The following SLC52A3 variants were observed in gnomAD, a reference collection of about 807,000 sequenced individuals.
SLC52A3 encodes the protein solute carrier family 52, riboflavin transporter, member 3.
A neutral mutation model predicts 29.5 loss-of-function variants in SLC52A3; 20 were observed. That is an observed-to-expected ratio of 0.68 (90% CI 0.48 to 0.99). The LOEUF is 0.99. Among genes scored for constraint, SLC52A3 ranks in the 50% least tolerant of loss-of-function variants. The pLI, the probability that SLC52A3 is intolerant of heterozygous loss-of-function variation, is 0.00. For synonymous variants in SLC52A3, 301 were observed against 271.0 expected, an observed-to-expected ratio of 1.11 and a Z score of -1.09; for missense variants, 548 against 612.9, an observed-to-expected ratio of 0.89 and a Z score of 1.12.
At chr20:774,719 G>C in intron 1 of SLC52A3, among the ~76,000 whole-genome samples, 1 of 152,184 alleles carries the variant, frequency 6.6e-6, no homozygotes, top group East Asian at 1.9e-4. Context: ...GTAGCAGAAG[G>C]CCATCTCTAC....
chr20:777,993 A>G (rs1277707688), upstream of SLC52A3, among the ~76,000 whole-genome samples: 1 of 151,962 alleles, frequency 6.6e-6, no homozygotes, highest in Non-Finnish European at 1.5e-5. Flanking sequence ...CTGCTCCAGA[A>G]GAATTACCCT....
In SLC52A3 at chr20:761,143, C is replaced by G. The variant is rs1060499531; in HGVS notation, c.1293G>C (p.Trp431Cys). The G allele has an allele frequency of 6.3e-7, 1 of 1,590,766 alleles. No homozygotes were observed. Among genetic ancestry groups the G allele is most frequent in the Non-Finnish European group, 8.5e-7 (1 of 1,169,904 alleles). The change falls in exon 5 of 5, where the codon TGG becomes TGC. Residue 431 changes from tryptophan to cysteine, a missense_variant. By Grantham distance (215) the Trp-to-Cys change is radical (BLOSUM62 -2). Coordinates refer to ENST00000645534, the MANE Select transcript of SLC52A3 (RefSeq NM_033409.4). ...LRDLSRSALL[W>C]CGAAVQLGSL... ...AGCCCAGCTGCACCGCCGCCCCGCA[C>G]CACAAGAGGGCGCTGCGGCTGAGGT...
chr20:771,116 A>G (rs1986830976), upstream of SLC52A3, among the ~76,000 whole-genome samples: 1 of 152,194 alleles, frequency 6.6e-6, no homozygotes. Flanking sequence ...CTCTTATTTT[A>G]TGTACAACAA....
chr20:764,286 C>T (rs977934781), intron 2 of SLC52A3, among the ~76,000 whole-genome samples: 2 of 152,174 alleles, frequency 1.3e-5, no homozygotes, highest in African/African-American at 2.4e-5. Context: ...TCGTCCCTTA[C>T]CTGAGGGTCA....
intron 3 of SLC52A3, among the ~76,000 whole-genome samples, chr20:762,624 C>G (rs1986528970): frequency 6.6e-6 from 1 of 152,198 alleles, no homozygotes; most frequent in African/African-American, 2.4e-5. Flanking sequence ...TTCTGTAATT[C>G]TAACATTTGG....
chr20:761,875 C>T, intron 3 of SLC52A3, 51 bp from the exon 4 acceptor site: 4 of 1,612,860 alleles, frequency 2.5e-6, no homozygotes, highest in Admixed American at 1.7e-5. Context: ...GACCTCTGAC[C>T]CCCCCGCCCC....
intron 1 of SLC52A3, among the ~76,000 whole-genome samples, chr20:768,069 T>A: frequency 6.6e-6 from 1 of 152,296 alleles, no homozygotes; most frequent in South Asian, 2.1e-4. Context: ...GGGATAGTGA[T>A]AGTATGAACT....
In SLC52A3 at chr20:761,140, G is replaced by T. The variant is rs758570021; in HGVS notation, c.1296C>A (p.Cys432Ter). The part of the protein sequence containing the change: ...RDLSRSALLW[C>*]GAAVQLGSLL... ...GCGAGCCCAGCTGCACCGCCGCCCC[G>T]CACCACAAGAGGGCGCTGCGGCTGA... Residue 432 changes from cysteine to a stop codon, truncating the protein, a stop_gained, in exon 5 of 5, where the codon TGC becomes TGA. Coordinates refer to ENST00000645534, the MANE Select transcript of SLC52A3 (RefSeq NM_033409.4). LOFTEE classifies it high-confidence loss of function. 4 of 1,591,378 alleles carry T rather than the reference G, an allele frequency of 2.5e-6. No individual in the cohort carries two copies. The highest frequency in any genetic ancestry group is 2.6e-6 in the Non-Finnish European group (3 of 1,170,302).
intron 1 of SLC52A3, among the ~76,000 whole-genome samples, chr20:767,246 C>G (rs567076973): frequency 6.6e-6 from 1 of 152,294 alleles, no homozygotes. Context: ...AAGTGTACTG[C>G]CTTTTGGTCA....
At chr20:770,221 A>G (rs999755933), upstream of SLC52A3, among the ~76,000 whole-genome samples, 1 of 148,820 alleles carries the variant, frequency 6.7e-6, no homozygotes, top group African/African-American at 2.5e-5. The surrounding 1 kb of genome is among the most constrained non-coding windows in gnomAD (Gnocchi z 4.5). Flanking sequence ...CAGTGGCTTG[A>G]TCTCGGCTCA....
upstream of SLC52A3, among the ~76,000 whole-genome samples, chr20:770,120 T>C (rs1011825142): frequency 8.6e-5 from 13 of 151,826 alleles, no homozygotes; most frequent in African/African-American, 3.1e-4. This position sits in a 1 kb window ranked among gnomAD's most constrained non-coding sequence, Gnocchi z 4.5. Context: ...GTAAACGTGC[T>C]ATTTGAGGCT....
chr20:765,687 G>A lies in SLC52A3; in HGVS notation c.88C>T (p.Leu30=). 1 of 1,613,678 alleles carries A rather than the reference G, an allele frequency of 6.2e-7. No individual in the cohort carries two copies. Among genetic ancestry groups the A allele is most frequent in the Non-Finnish European group, 8.5e-7 (1 of 1,179,882 alleles). ...INGLWVELPL[L]VMELPEGWYL... ...CAGCCCTCGGGCAGCTCCATCACCA[G>A]CAGGGGCAGCTCTACCCAGAGCCCA... The change falls in exon 2 of 5, where the codon CTG becomes TTG. Residue 30 remains leucine (L), a synonymous_variant. Transcript: ENST00000645534. The surrounding 1 kb of genome is among the most constrained non-coding windows in gnomAD (Gnocchi z 6.6).
At position 760,883 on chromosome 20, in the gene SLC52A3, T is replaced by TC; in HGVS notation, c.*142dup. 2 of 812,296 alleles carry TC rather than the reference T, an allele frequency of 2.5e-6. No homozygotes were observed. Among genetic ancestry groups the TC allele is most frequent in the South Asian group, 1.7e-5 (1 of 57,784 alleles). 50.3% of individuals were successfully genotyped at this position (812,296 alleles called of 1,614,324 possible). The stretch of plus-strand genomic sequence containing the variant: ...CACCTTGCATTTCCAGGTGCCATCT[T>TC]CCCCACAGTCCCCAGTGGGCACTTG... On this transcript the variant is annotated 3_prime_UTR_variant, in exon 5 of 5. Transcript: ENST00000645534. This position sits in a 1 kb window ranked among gnomAD's most constrained non-coding sequence, Gnocchi z 4.9.
At chr20:771,133 T>G (rs1341035176), upstream of SLC52A3, among the ~76,000 whole-genome samples, 1 of 152,212 alleles carries the variant, frequency 6.6e-6, no homozygotes, top group Non-Finnish European at 1.5e-5. Flanking sequence ...ACAAAAGTAC[T>G]CAGAGGCTGG....
In SLC52A3 at chr20:765,721, C is replaced by T. The variant is rs1418731782; in HGVS notation, c.54G>A (p.Val18=). 17 of 1,613,666 alleles carry T rather than the reference C, an allele frequency of 1.1e-5. No homozygotes were observed. Among genetic ancestry groups the T allele is most frequent in the Non-Finnish European group, 1.4e-5 (16 of 1,179,964 alleles). Residue 18 remains valine, a synonymous_variant, in exon 2 of 5, where the codon GTG becomes GTA. Coordinates refer to ENST00000645534, the MANE Select transcript of SLC52A3 (RefSeq NM_033409.4). This position sits in a 1 kb window ranked among gnomAD's most constrained non-coding sequence, Gnocchi z 6.6. Reference sequence around the variant, plus strand: ...GCTCTACCCAGAGCCCATTGATGGTCACCCAGGAGCCCATTCCGAAGACGC... The same window carrying T: ...GCTCTACCCAGAGCCCATTGATGGTTACCCAGGAGCCCATTCCGAAGACGC... ...LVCVFGMGSW[V]TINGLWVELP...
intron 3 of SLC52A3, 82 bp downstream of exon 3, chr20:763,416 C>T (rs1986553484): frequency 6.3e-7 from 1 of 1,579,092 alleles, no homozygotes; most frequent in Non-Finnish European, 8.7e-7. Context: ...ACATGTACAG[C>T]CCAGTAGGTG....
At chr20:770,093 C>G (rs1036464267), upstream of SLC52A3, among the ~76,000 whole-genome samples, 4 of 151,600 alleles carry the variant, frequency 2.6e-5, no homozygotes, top group African/African-American at 4.8e-5. The surrounding 1 kb of genome is among the most constrained non-coding windows in gnomAD (Gnocchi z 4.5). Context: ...TCGTTGCCAG[C>G]ACTCATTTAA....
At position 765,383 on chromosome 20, in the gene SLC52A3, C is replaced by T; in HGVS notation, c.392G>A (p.Ser131Asn). ...GGTGAGGTAGTAGGTGGGCAGCCGG[C>T]TCATGAACGGCAGGAAGGTCACTGA... ...TSSVTFLPFM[S>N]RLPTYYLTTF... The change falls in exon 2 of 5, where the codon AGC becomes AAC. Residue 131 changes from serine (S) to asparagine (N), a missense_variant. Physicochemically the swap from Ser to Asn is conservative, Grantham distance 46. Coordinates refer to ENST00000645534, the MANE Select transcript of SLC52A3 (RefSeq NM_033409.4). The surrounding 1 kb of genome is among the most constrained non-coding windows in gnomAD (Gnocchi z 6.6). 6.2e-7 allele frequency: 1 copy of T among 1,614,126 alleles called. No individual in the cohort carries two copies.
chr20:761,935 T>C (rs1479447664), intron 3 of SLC52A3, 111 bp from the exon 4 acceptor site: 8 of 1,529,650 alleles, frequency 5.2e-6, no homozygotes, highest in Non-Finnish European at 7.1e-6. Context: ...TTTAGACCCA[T>C]GTGGAAAATT....
Sources: allele counts gnomAD v4.1 joint callset (sites outside exome capture counted in the v4.1 genomes callset), GRCh38; gene constraint gnomAD v4.1.1; non-coding constraint Gnocchi (gnomAD v3.1); transcripts MANE v1.5; gene names NCBI Gene and HGNC (gene_info 2026-07-23, HGNC 2026-07-21).